The following HAND2 variants were observed in gnomAD, a reference collection of about 807,000 sequenced individuals.
HAND2 encodes heart and neural crest derivatives expressed 2.
HAND2 carries 2 observed loss-of-function variants against 14.7 expected under a neutral mutation model. The observed-to-expected ratio is 0.14, with a 90% CI of 0.06 to 0.43. HAND2 has a LOEUF of 0.43. HAND2 is among the 20% of genes least tolerant of loss of function. HAND2 has a pLI of 0.99. For missense variants in HAND2, 275 were observed against 313.6 expected (o/e 0.88, Z 0.93); for synonymous variants, 162 against 135.9 (o/e 1.19, Z -1.34).
Position 173,527,335 on chromosome 4 carries a change from T to G in HAND2, c.596A>C (p.Lys199Thr). The G allele has an allele frequency of 1.9e-6, 3 of 1,613,912 alleles. No individual in the cohort carries two copies. Among genetic ancestry groups the G allele is most frequent in the Non-Finnish European group, 2.5e-6 (3 of 1,179,920 alleles). Residue 199 changes from lysine (K) to threonine (T), a missense_variant, in exon 2 of 2, where the codon AAA becomes ACA. Coordinates refer to ENST00000359562, the MANE Select transcript of HAND2 (RefSeq NM_021973.3). Reference protein sequence around the residue: ...LKSTVSSNDKKTKGRTGWPQH... With the variant: ...LKSTVSSNDKTTKGRTGWPQH... ...CGGCCAGCCCGTCCGGCCTTTGGTT[T>G]TCTTGTCGTTGCTGCTCACTGTGCT...
intron 1 of HAND2, chr4:173,527,586 C>T: frequency 1.7e-6 from 1 of 590,460 alleles, no homozygotes; most frequent in Non-Finnish European, 3.0e-6. Flanking sequence ...CAGCGCTCAA[C>T]AACCGGATCC....
In HAND2 at chr4:173,528,806, C is replaced by T. The variant is rs932886269; in HGVS notation, c.484G>A (p.Gly162Ser). ...MDLLAKDDQNGEAEAFKAEIK... is the reference protein window; with the variant it reads ...MDLLAKDDQNSEAEAFKAEIK... ...TCTGCCTTGAAGGCCTCCGCCTCGC[C>T]ATTCTGGTCGTCCTTGGCCAGCAGG... The change falls in exon 1 of 2, where the codon GGC becomes AGC. Residue 162 changes from glycine to serine, a missense_variant. Physicochemically the swap from Gly to Ser is moderately conservative, Grantham distance 56 (BLOSUM62 0). Around this residue, in one of 4 missense-constraint regions of HAND2, gnomAD observed 54 missense variants for 54.3 expected, o/e 0.99. Transcript: ENST00000359562. The surrounding 1 kb of genome is among the most constrained non-coding windows in gnomAD (Gnocchi z 5.6). The T allele has an allele frequency of 2.2e-5, 35 of 1,614,112 alleles. No individual in the cohort carries two copies. Among genetic ancestry groups the T allele is most frequent in the Non-Finnish European group, 2.9e-5 (34 of 1,180,052 alleles).
At position 173,527,187 on chromosome 4, in the gene HAND2, G is replaced by A. The variant is rs1395999399; in HGVS notation, c.*90C>T. On this transcript the variant is annotated 3_prime_UTR_variant, in exon 2 of 2. Transcript: ENST00000359562. ...AAATGCAAGGAGTCCTCAGAGCGGA[G>A]CGCGGACGGCTTTTCCGGAGTCCTG... 1.2e-6 allele frequency: 1 copy of A among 835,838 alleles called. No homozygotes were observed. 51.8% of individuals were successfully genotyped at this position (835,838 alleles called of 1,614,324 possible). A position where few individuals can be genotyped will look rare whatever the true frequency, so the allele number is the denominator to read the frequency against.
In HAND2 at chr4:173,528,593, A is replaced by T; in HGVS notation, c.555+142T>A. ...TCTGCTTATGCCGGAAGCCATCCTT[A>T]CACAACCTGGTGCAAACAACCTTGA... On this transcript the variant is annotated intron_variant, in intron 1 of 1. Transcript: ENST00000359562. The surrounding 1 kb of genome is among the most constrained non-coding windows in gnomAD (Gnocchi z 5.6). The T allele has an allele frequency of 3.9e-6, 4 of 1,016,594 alleles. No individual in the cohort carries two copies. Among genetic ancestry groups the T allele is most frequent in the Non-Finnish European group, 5.9e-6 (4 of 683,496 alleles). 63.0% of individuals were successfully genotyped at this position (1,016,594 alleles called of 1,614,324 possible).
rs772042494 is a variant in HAND2, at chr4:173,526,896, C to T, written c.*381G>A. ...GATACACTTCACAAACGCACTAGTG[C>T]CCACTGTCTTTATCTGGAAGGGGTT... is the stretch of plus-strand genomic sequence containing the variant. On this transcript the variant is annotated 3_prime_UTR_variant, in exon 2 of 2. Transcript: ENST00000359562. 2.1e-6 allele frequency: 1 copy of T among 478,690 alleles called. No homozygotes were observed. The highest frequency in any genetic ancestry group is 1.6e-5 in the South Asian group (1 of 64,102). 29.7% of individuals were successfully genotyped at this position (478,690 alleles called of 1,614,324 possible).
At chr4:173,527,532 C>T (rs1731496511) in intron 1 of HAND2, 157 bp from the exon 2 acceptor site, 1 of 696,678 alleles carries the variant, frequency 1.4e-6, no homozygotes, top group African/African-American at 1.7e-5. Context: ...AGAGAAGCTA[C>T]CAAGGTTAGC....
In HAND2 at chr4:173,529,140, G is replaced by A. The variant is rs1463480661; in HGVS notation, c.150C>T (p.His50=). The A allele has an allele frequency of 6.8e-7, 1 of 1,479,580 alleles. No homozygotes were observed. Among genetic ancestry groups the A allele is most frequent in the Non-Finnish European group, 8.9e-7 (1 of 1,125,434 alleles). The allele number at this position is 1,479,580 out of a possible 1,614,324, so 91.7% of individuals were successfully genotyped here. A position where few individuals can be genotyped will look rare whatever the true frequency, so the allele number is the denominator to read the frequency against. Residue 50 remains histidine, a synonymous_variant, in exon 1 of 2, where the codon CAC becomes CAT. Coordinates refer to ENST00000359562, the MANE Select transcript of HAND2 (RefSeq NM_021973.3). ...NPYFHGWLIG[H]PEMSPPDYSM... Reference sequence around the variant, plus strand: ...TGTAGTCGGGGGGCGACATCTCGGGGTGGCCGATGAGCCAGCCATGGAAGT... The same window carrying A: ...TGTAGTCGGGGGGCGACATCTCGGGATGGCCGATGAGCCAGCCATGGAAGT...
chr4:173,529,229 C>A lies in HAND2; in HGVS notation c.61G>T (p.Ala21Ser). 1.4e-6 allele frequency: 2 copies of A among 1,419,728 alleles called. No individual in the cohort carries two copies. Among genetic ancestry groups the A allele is most frequent in the Non-Finnish European group, 1.8e-6 (2 of 1,092,986 alleles). The allele number at this position is 1,419,728 out of a possible 1,614,324, so 87.9% of individuals were successfully genotyped here. The change falls in exon 1 of 2, where the codon GCC (alanine) becomes TCC (serine). Residue 21 changes from alanine (A) to serine (S), a missense_variant. Physicochemically the swap from Ala to Ser is moderately conservative, Grantham distance 99. Around this residue, in one of 4 missense-constraint regions of HAND2, gnomAD observed 175 missense variants for 157.1 expected, o/e 1.11. Transcript: ENST00000359562. ...PVVHHEGYPF[A>S]AAAAAAAAAA... Reference sequence around the variant, plus strand: ...GCGGCAGCTGCGGCGGCGGCGGCGGCAAACGGGTAGCCCTCGTGGTGCACC... The same window carrying A: ...GCGGCAGCTGCGGCGGCGGCGGCGGAAAACGGGTAGCCCTCGTGGTGCACC...
Position 173,527,202 on chromosome 4 carries a change from C to T in HAND2, c.*75G>A, listed in dbSNP as rs773683304. On this transcript the variant is annotated 3_prime_UTR_variant, in exon 2 of 2. Transcript: ENST00000359562. ...TCAGAGCGGAGCGCGGACGGCTTTT[C>T]CGGAGTCCTGGGTCTGCATCTGGCG... 1.0e-6 allele frequency: 1 copy of T among 982,178 alleles called. No individual in the cohort carries two copies. The highest frequency in any genetic ancestry group is 1.6e-6 in the Non-Finnish European group (1 of 613,428). 60.8% of individuals were successfully genotyped at this position (982,178 alleles called of 1,614,324 possible). A position where few individuals can be genotyped will look rare whatever the true frequency, so the allele number is the denominator to read the frequency against.
At position 173,529,008 on chromosome 4, in the gene HAND2, C is replaced by T. The variant is rs753296525; in HGVS notation, c.282G>A (p.Gly94=). 3.1e-6 allele frequency: 5 copies of T among 1,590,012 alleles called. No individual in the cohort carries two copies. The highest frequency in any genetic ancestry group is 3.4e-6 in the Non-Finnish European group (4 of 1,171,240). The change falls in exon 1 of 2, where the codon GGG becomes GGA. Residue 94 remains glycine (G), a synonymous_variant. Coordinates refer to ENST00000359562, the MANE Select transcript of HAND2 (RefSeq NM_021973.3). Reference sequence around the variant, plus strand: ...TGCCTCGGCGCTTCACCGGGCGCGGCCCCCCCAGGCCCGGGGGCCCGGCGC... The same window carrying T: ...TGCCTCGGCGCTTCACCGGGCGCGGTCCCCCCAGGCCCGGGGGCCCGGCGC... The part of the protein sequence containing the change: ...PPGAGPPGLG[G]PRPVKRRGTA...
At position 173,527,019 on chromosome 4, in the gene HAND2, G is replaced by A. The variant is rs1394541321; in HGVS notation, c.*258C>T. On this transcript the variant is annotated 3_prime_UTR_variant, in exon 2 of 2. Coordinates refer to ENST00000359562, the MANE Select transcript of HAND2 (RefSeq NM_021973.3). ...AGACGACGGGATCCCTTACCACACG[G>A]GAGTGTCCTCTTCGTATTAAAATAT... is the stretch of plus-strand genomic sequence containing the variant. 6 of 645,564 alleles carry A rather than the reference G, an allele frequency of 9.3e-6. No homozygotes were observed. The highest frequency in any genetic ancestry group is 5.3e-5 in the African/African-American group (3 of 56,144). 40.0% of individuals were successfully genotyped at this position (645,564 alleles called of 1,614,324 possible).
rs763941066 is a variant in HAND2, at chr4:173,529,121, CG to C, written c.168del (p.Asp57ThrfsTer42). On this transcript the variant is annotated frameshift_variant, in exon 1 of 2. Coordinates refer to ENST00000359562, the MANE Select transcript of HAND2 (RefSeq NM_021973.3). LOFTEE classifies it high-confidence loss of function. ...CTGTAGGACAGGGCCATGCTGTAGTCGGGGGGCGACATCTCGGGGTGGCCGA... is the reference window on the plus strand; with the variant it reads ...CTGTAGGACAGGGCCATGCTGTAGTCGGGGGCGACATCTCGGGGTGGCCGA... The part of the protein sequence containing the change: ...WLIGHPEMSP[P>X]DYSMALSYSP... 1.4e-6 allele frequency: 2 copies of C among 1,478,966 alleles called. No individual in the cohort carries two copies. The highest frequency in any genetic ancestry group is 1.8e-6 in the Non-Finnish European group (2 of 1,122,964). The allele number at this position is 1,478,966 out of a possible 1,614,324, so 91.6% of individuals were successfully genotyped here.
Position 173,528,843 on chromosome 4 carries a change from G to A in HAND2, c.447C>T (p.Ala149=), listed in dbSNP as rs1731594265. The A allele has an allele frequency of 1.2e-6, 2 of 1,614,238 alleles. No homozygotes were observed. Among genetic ancestry groups the A allele is most frequent in the African/African-American group, 1.3e-5 (1 of 75,060 alleles). The change falls in exon 1 of 2, where the codon GCC becomes GCT. Residue 149 remains alanine (A), a synonymous_variant. Transcript: ENST00000359562. The surrounding 1 kb of genome is among the most constrained non-coding windows in gnomAD (Gnocchi z 5.6). The part of the protein sequence containing the change: ...KTLRLATSYI[A]YLMDLLAKDD... ...CCTTGGCCAGCAGGTCCATGAGGTA[G>A]GCGATGTAGCTGGTGGCCAGGCGCA...
chr4:173,528,719 G>T lies in HAND2; in HGVS notation c.555+16C>A, dbSNP rs779116452. Reference sequence around the variant, plus strand: ...GACCCCCTCAGCCCCACCGCCTGCCGCCCCCTGGTACTGACCAGCTCCTTC... The same window carrying T: ...GACCCCCTCAGCCCCACCGCCTGCCTCCCCCTGGTACTGACCAGCTCCTTC... On this transcript the variant is annotated intron_variant, in intron 1 of 1. Coordinates refer to ENST00000359562, the MANE Select transcript of HAND2 (RefSeq NM_021973.3). This position sits in a 1 kb window ranked among gnomAD's most constrained non-coding sequence, Gnocchi z 5.6. 21 of 1,607,458 alleles carry T rather than the reference G, an allele frequency of 1.3e-5. No individual in the cohort carries two copies. In the South Asian group the frequency reaches 1.4e-4, roughly 11 times the overall value.
At position 173,528,514 on chromosome 4, in the gene HAND2, G is replaced by A; in HGVS notation, c.555+221C>T. 3.4e-6 allele frequency: 2 copies of A among 596,000 alleles called. No individual in the cohort carries two copies. The highest frequency in any genetic ancestry group is 3.9e-5 in the South Asian group (2 of 51,090). 36.9% of individuals were successfully genotyped at this position (596,000 alleles called of 1,614,324 possible). ...CGATAACCCGGAGGTAAGATCACCA[G>A]CGCAAAGCATCCCTAACCTTCTCCT... is the stretch of plus-strand genomic sequence containing the variant. On this transcript the variant is annotated intron_variant, in intron 1 of 1. Transcript: ENST00000359562. The surrounding 1 kb of genome is among the most constrained non-coding windows in gnomAD (Gnocchi z 5.6).
rs1219730758 is a variant in HAND2 at position 173,529,400 on chromosome 4, GC to G, written c.-112del. ...GTCCTCCCCCACCCCCCACCCCCCA[GC>G]CCCCGGGCGCCCGGGCCCGCCCGGC... On this transcript the variant is annotated 5_prime_UTR_variant, in exon 1 of 2. Coordinates refer to ENST00000359562, the MANE Select transcript of HAND2 (RefSeq NM_021973.3). 5.3e-6 allele frequency: 3 copies of G among 565,886 alleles called. No individual in the cohort carries two copies. The highest frequency in any genetic ancestry group is 6.3e-6 in the Non-Finnish European group (3 of 474,476). 35.1% of individuals were successfully genotyped at this position (565,886 alleles called of 1,614,324 possible).
Position 173,529,193 on chromosome 4 carries a change from TGGCGGCGGCGGCGGCAGCTGCGGCGGC to T in HAND2, c.70_96del (p.Ala24_Ala32del), listed in dbSNP as rs753612276. Reference sequence around the variant, plus strand: ...GGGTTCTCCTCATGGCTGCAGCGGCTGGCGGCGGCGGCGGCAGCTGCGGCGGCGGCGGCGGCAAACGGGTAGCCCTCG... The same window carrying T: ...GGGTTCTCCTCATGGCTGCAGCGGCTGGCGGCGGCAAACGGGTAGCCCTCG... On this transcript the variant is annotated inframe_deletion, in exon 1 of 2. Transcript: ENST00000359562. 316 of 1,437,804 alleles carry T rather than the reference TGGCGGCGGCGGCGGCAGCTGCGGCGGC, an allele frequency of 2.2e-4. 1 individual carries two copies. The Admixed American group carries it at 7.6e-3, about 34-fold the overall frequency. 89.1% of individuals were successfully genotyped at this position (1,437,804 alleles called of 1,614,324 possible).
In HAND2 at chr4:173,529,124, G is replaced by A; in HGVS notation, c.166C>T (p.Pro56Ser). 1 of 1,487,732 alleles carries A rather than the reference G, an allele frequency of 6.7e-7. No individual in the cohort carries two copies. Among genetic ancestry groups the A allele is most frequent in the Non-Finnish European group, 8.9e-7 (1 of 1,128,050 alleles). 92.2% of individuals were successfully genotyped at this position (1,487,732 alleles called of 1,614,324 possible). A position where few individuals can be genotyped will look rare whatever the true frequency, so the allele number is the denominator to read the frequency against. The change falls in exon 1 of 2, where the codon CCC becomes TCC. Residue 56 changes from proline (P) to serine (S), a missense_variant. By Grantham distance (74) the Pro-to-Ser change is moderately conservative. Coordinates refer to ENST00000359562, the MANE Select transcript of HAND2 (RefSeq NM_021973.3). ...WLIGHPEMSP[P>S]DYSMALSYSP... ...TAGGACAGGGCCATGCTGTAGTCGG[G>A]GGGCGACATCTCGGGGTGGCCGATG...
In HAND2 at chr4:173,529,222, G is replaced by A. The variant is rs1429239453; in HGVS notation, c.68C>T (p.Ala23Val). 7 of 1,423,080 alleles carry A rather than the reference G, an allele frequency of 4.9e-6. No homozygotes were observed. The Middle Eastern group carries it at 6.2e-4, about 127-fold the overall frequency. 88.2% of individuals were successfully genotyped at this position (1,423,080 alleles called of 1,614,324 possible). A position where few individuals can be genotyped will look rare whatever the true frequency, so the allele number is the denominator to read the frequency against. ...VHHEGYPFAA[A>V]AAAAAAAAAS... The stretch of plus-strand genomic sequence containing the variant: ...GGCGGCGGCGGCAGCTGCGGCGGCG[G>A]CGGCGGCAAACGGGTAGCCCTCGTG... The change falls in exon 1 of 2, where the codon GCC becomes GTC. Residue 23 changes from alanine to valine, a missense_variant. Physicochemically the swap from Ala to Val is moderately conservative, Grantham distance 64. This residue lies in a region of HAND2 where 175 missense variants were observed against 157.1 expected (regional missense o/e 1.11). Coordinates refer to ENST00000359562, the MANE Select transcript of HAND2 (RefSeq NM_021973.3).
Sources: gnomAD v4.1 joint callset for allele counts on GRCh38, gnomAD v4.1.1 for gene constraint, gnomAD v4.1.1 regional missense constraint, Gnocchi (gnomAD v3.1) non-coding constraint, MANE v1.5 for transcripts, NCBI Gene and HGNC (gene_info 2026-07-23, HGNC 2026-07-21) for gene names.